The following PALM2AKAP2 variants were observed in gnomAD, a reference collection of about 807,000 sequenced individuals.
The protein encoded by PALM2AKAP2 is PALM2 and AKAP2 fusion, also known as PALM2-AKAP2 fusion protein.
PALM2AKAP2 carries 37 observed loss-of-function variants against 71.5 expected under a neutral mutation model. The observed-to-expected ratio is 0.52, with a 90% CI of 0.40 to 0.68. PALM2AKAP2 has a LOEUF of 0.68. Ranked by LOEUF, PALM2AKAP2 falls within the 30% of genes least tolerant of loss-of-function variation. The pLI, the probability that PALM2AKAP2 is intolerant of heterozygous loss-of-function variation, is 0.00. For missense variants in PALM2AKAP2, 1,224 were observed against 1,191.8 expected (o/e 1.03, Z -0.40); for synonymous variants, 468 against 478.8 (o/e 0.98, Z 0.29).
chr9:109,991,290 G>A (rs1042715853), intron 6 of PALM2AKAP2, among the ~76,000 whole-genome samples: 1 of 151,430 alleles, frequency 6.6e-6, no homozygotes, highest in Non-Finnish European at 1.5e-5. Flanking sequence ...AGGCTGGAGT[G>A]TGGTGGCGTG....
upstream of PALM2AKAP2, among the ~76,000 whole-genome samples, chr9:110,043,771 A>G (rs1833547630): frequency 8.3e-6 from 1 of 120,206 alleles, no homozygotes; most frequent in South Asian, 2.6e-4. Flanking sequence ...ACCCTGCTGG[A>G]GTGCAGTGGC....
intron 3 of PALM2AKAP2, among the ~76,000 whole-genome samples, chr9:110,161,092 CCTAA>C (rs1695520973): frequency 6.6e-6 from 1 of 152,130 alleles, no homozygotes; most frequent in Non-Finnish European, 1.5e-5. Context: ...CTTGTGCTTC[CCTAA>C]CTCTCTCTTA....
intron 3 of PALM2AKAP2, among the ~76,000 whole-genome samples, chr9:109,919,100 C>A (rs1400139888): frequency 1.3e-5 from 2 of 152,324 alleles, no homozygotes; most frequent in Non-Finnish European, 2.9e-5. Context: ...TGAGAGACAG[C>A]CATTTTCGGT....
At chr9:109,688,367 A>C (rs1827832605) in intron 1 of PALM2AKAP2, among the ~76,000 whole-genome samples, 1 of 152,250 alleles carries the variant, frequency 6.6e-6, no homozygotes, top group African/African-American at 2.4e-5. Flanking sequence ...TGGTCTGTGA[A>C]CCAAACTTTG....
At chr9:109,823,012 G>A (rs1828051853) in intron 1 of PALM2AKAP2, among the ~76,000 whole-genome samples, 1 of 152,110 alleles carries the variant, frequency 6.6e-6, no homozygotes, top group South Asian at 2.1e-4. Flanking sequence ...GGTCCATGAG[G>A]TCAATCAAAT....
chr9:110,020,235 T>C (rs1218129953), intron 7 of PALM2AKAP2, among the ~76,000 whole-genome samples: 1 of 152,252 alleles, frequency 6.6e-6, no homozygotes, highest in African/African-American at 2.4e-5. Context: ...GGTGTCTATT[T>C]TAGTATTTAT....
chr9:109,844,931 ATG>A (rs71373945), intron 1 of PALM2AKAP2, among the ~76,000 whole-genome samples: 5,178 of 149,370 alleles, frequency 0.035, 253 homozygotes, highest in African/African-American at 0.11. Context: ...CCAGAAAATG[ATG>A]TGTGTGTGTG....
At chr9:110,065,024 C>T (rs966812283) in intron 1 of PALM2AKAP2, among the ~76,000 whole-genome samples, 5 of 152,110 alleles carry the variant, frequency 3.3e-5, no homozygotes, top group South Asian at 2.1e-4. Flanking sequence ...GGAAACATAG[C>T]AGTGACAGCG....
chr9:110,007,464 A>G (rs1461441031), intron 6 of PALM2AKAP2, among the ~76,000 whole-genome samples: 1 of 152,212 alleles, frequency 6.6e-6, no homozygotes, highest in Admixed American at 6.5e-5. Context: ...TTTTTGTACA[A>G]CATGATTCTT....
At chr9:109,732,650 G>C (rs954203048) in intron 1 of PALM2AKAP2, among the ~76,000 whole-genome samples, 1 of 152,194 alleles carries the variant, frequency 6.6e-6, no homozygotes, top group Non-Finnish European at 1.5e-5. Context: ...TTACCTTCTA[G>C]TTGGGGAAAG....
chr9:109,995,694 T>C (rs1175533625), intron 6 of PALM2AKAP2, among the ~76,000 whole-genome samples: 1 of 152,190 alleles, frequency 6.6e-6, no homozygotes, highest in Non-Finnish European at 1.5e-5. Flanking sequence ...TCTTCATGAC[T>C]CAGTTACCTC....
At chr9:109,834,406 T>C (rs1587944009) in intron 1 of PALM2AKAP2, among the ~76,000 whole-genome samples, 1 of 152,370 alleles carries the variant, frequency 6.6e-6, no homozygotes, top group East Asian at 1.9e-4. Context: ...AAAATACTTT[T>C]ATTTCTTTCA....
intron 1 of PALM2AKAP2, among the ~76,000 whole-genome samples, chr9:109,782,487 C>T (rs75653339): frequency 0.024 from 3,726 of 152,180 alleles, 164 homozygotes; most frequent in African/African-American, 0.085. Flanking sequence ...TTTCTTGTCA[C>T]CATTCCCTAA....
chr9:109,861,315 T>C (rs1043809956), intron 1 of PALM2AKAP2, among the ~76,000 whole-genome samples: 2 of 152,174 alleles, frequency 1.3e-5, no homozygotes, highest in Non-Finnish European at 2.9e-5. Flanking sequence ...AGCAAAAAGG[T>C]GGAAATAGGC....
At chr9:109,993,638 G>A (rs1362783720) in intron 6 of PALM2AKAP2, among the ~76,000 whole-genome samples, 1 of 152,112 alleles carries the variant, frequency 6.6e-6, no homozygotes, top group Non-Finnish European at 1.5e-5. Context: ...GAGGGCCAAA[G>A]GCCAAAACCA....
At chr9:110,019,238 CA>C (rs769230271) in intron 7 of PALM2AKAP2, among the ~76,000 whole-genome samples, 749 of 47,960 alleles carry the variant, frequency 0.016, no homozygotes, top group East Asian at 0.036. Flanking sequence ...GACTCTGTCT[CA>C]AAAAAAAAAA....
intron 7 of PALM2AKAP2, among the ~76,000 whole-genome samples, chr9:110,027,946 A>C (rs532474185): frequency 6.6e-6 from 1 of 152,186 alleles, no homozygotes; most frequent in East Asian, 1.9e-4. Flanking sequence ...TGGGACAGAA[A>C]ACCTTTCTAC....
intron 3 of PALM2AKAP2, among the ~76,000 whole-genome samples, chr9:109,916,679 A>G (rs1450502781): frequency 1.3e-5 from 2 of 152,184 alleles, no homozygotes; most frequent in Non-Finnish European, 2.9e-5. Context: ...AGTTTTTCTC[A>G]CCACCTGTAT....
chr9:110,048,005 G>C (rs980158152), upstream of PALM2AKAP2, among the ~76,000 whole-genome samples: 1 of 152,160 alleles, frequency 6.6e-6, no homozygotes, highest in Non-Finnish European at 1.5e-5. Context: ...TCTGACACCG[G>C]GCCACCGGCT....
Sources: allele counts gnomAD v4.1 joint callset (sites outside exome capture counted in the v4.1 genomes callset), GRCh38; gene constraint gnomAD v4.1.1; transcripts MANE v1.5; gene names NCBI Gene and HGNC (gene_info 2026-07-23, HGNC 2026-07-21).